The following RABGAP1 variants were observed in gnomAD, a reference collection of about 807,000 sequenced individuals.
The protein encoded by RABGAP1 is RAB GTPase activating protein 1.
Under a neutral mutation model 137.6 loss-of-function variants are expected in RABGAP1, and 23 were observed. The observed-to-expected ratio is 0.17, with a 90% CI of 0.12 to 0.24. The LOEUF (loss-of-function observed/expected upper bound fraction) is 0.24. Ranked by LOEUF, RABGAP1 falls within the 10% of genes least tolerant of loss-of-function variation. The pLI, the probability that RABGAP1 is intolerant of heterozygous loss-of-function variation, is 1.00. For missense variants in RABGAP1, 906 were observed against 1,275.8 expected (o/e 0.71, Z 4.42); for synonymous variants, 451 against 450.7 (o/e 1.00, Z -0.01).
At chr9:122,942,695 A>AAAAAAAACAC (rs1833668325) in intron 1 of RABGAP1, among the ~76,000 whole-genome samples, 1 of 149,440 alleles carries the variant, frequency 6.7e-6, no homozygotes, top group African/African-American at 2.5e-5. Context: ...AAAACACAAA[A>AAAAAAAACAC]AAACAAAATA....
chr9:123,049,245 A>G (rs959974864), intron 13 of RABGAP1, among the ~76,000 whole-genome samples: 25 of 152,286 alleles, frequency 1.6e-4, no homozygotes, highest in African/African-American at 5.3e-4. Flanking sequence ...AGTCTGGTGT[A>G]GTAAAGGTTC....
intron 13 of RABGAP1, among the ~76,000 whole-genome samples, chr9:123,027,808 A>G (rs1204477678): frequency 6.6e-6 from 1 of 152,214 alleles, no homozygotes; most frequent in Non-Finnish European, 1.5e-5. Context: ...AAAATAGGCC[A>G]TAATTCCATT....
intron 13 of RABGAP1, among the ~76,000 whole-genome samples, chr9:123,026,445 A>G (rs1049631989): frequency 7.9e-5 from 12 of 152,114 alleles, no homozygotes; most frequent in Admixed American, 2.6e-4. Context: ...TAATTTGTTA[A>G]TGGAATAAGT....
intron 13 of RABGAP1, among the ~76,000 whole-genome samples, chr9:123,055,498 C>A (rs145794602): frequency 6.6e-6 from 1 of 150,838 alleles, no homozygotes; most frequent in African/African-American, 2.4e-5. Flanking sequence ...TCCTAAAGTG[C>A]TGGAATTACA....
chr9:123,016,194 T>C (rs777786003), intron 12 of RABGAP1, among the ~76,000 whole-genome samples: 1 of 152,216 alleles, frequency 6.6e-6, no homozygotes, highest in Non-Finnish European at 1.5e-5. Context: ...CACTATCCTA[T>C]AGGCTATCTA....
chr9:122,991,151 G>A (rs1396211296), intron 6 of RABGAP1, among the ~76,000 whole-genome samples: 1 of 151,780 alleles, frequency 6.6e-6, no homozygotes, highest in East Asian at 1.9e-4. Flanking sequence ...TATTAACAGT[G>A]TCCCCATTTC....
chr9:122,986,998 A>G (rs772818999), intron 4 of RABGAP1, among the ~76,000 whole-genome samples: 5 of 152,188 alleles, frequency 3.3e-5, no homozygotes, highest in Admixed American at 1.3e-4. Flanking sequence ...TTAGCCACGC[A>G]TGGTCATACA....
At chr9:122,961,856 G>A (rs1276649539) in intron 2 of RABGAP1, among the ~76,000 whole-genome samples, 1 of 152,134 alleles carries the variant, frequency 6.6e-6, no homozygotes, top group South Asian at 2.1e-4. Flanking sequence ...GGAAAAAGGA[G>A]ATAAGATAGG....
At chr9:123,075,547 T>C (rs2132156405) in intron 17 of RABGAP1, among the ~76,000 whole-genome samples, 1 of 152,318 alleles carries the variant, frequency 6.6e-6, no homozygotes, top group South Asian at 2.1e-4. Flanking sequence ...AGTATCCCAT[T>C]ATTTGGATGT....
At chr9:123,096,445 C>G (rs562723214) in intron 21 of RABGAP1, among the ~76,000 whole-genome samples, 7 of 152,304 alleles carry the variant, frequency 4.6e-5, no homozygotes, top group Middle Eastern at 3.4e-3. Context: ...AAGGGTATTA[C>G]CAAGGACAAA....
At chr9:122,985,548 G>A (rs576376598) in intron 3 of RABGAP1, among the ~76,000 whole-genome samples, 3 of 151,070 alleles carry the variant, frequency 2.0e-5, no homozygotes, top group African/African-American at 4.9e-5. Context: ...AGGAGGTGGA[G>A]GTTGCAGTGA....
chr9:122,949,078 T>A (rs780989083), intron 1 of RABGAP1, among the ~76,000 whole-genome samples: 4 of 151,894 alleles, frequency 2.6e-5, no homozygotes, highest in Admixed American at 1.3e-4. Context: ...TATAGCGGAG[T>A]AGAAAAGAAG....
At chr9:122,935,852 C>T (rs1833379754), upstream of RABGAP1, among the ~76,000 whole-genome samples, 1 of 152,148 alleles carries the variant, frequency 6.6e-6, no homozygotes, top group South Asian at 2.1e-4. Context: ...GGCAGGAATG[C>T]TGGTGGTAAC....
chr9:122,956,466 C>T (rs948849068), intron 1 of RABGAP1, among the ~76,000 whole-genome samples: 13 of 152,014 alleles, frequency 8.6e-5, no homozygotes, highest in African/African-American at 2.2e-4. Context: ...CTGGCTAACA[C>T]GGTGAAACCC....
intron 21 of RABGAP1, among the ~76,000 whole-genome samples, chr9:123,092,683 G>A (rs1564190231): frequency 6.6e-6 from 1 of 152,120 alleles, no homozygotes; most frequent in East Asian, 1.9e-4. Context: ...AACATTTCTT[G>A]AGCACTTACC....
intron 13 of RABGAP1, among the ~76,000 whole-genome samples, chr9:123,027,788 C>G (rs958479463): frequency 2.0e-5 from 3 of 152,172 alleles, no homozygotes; most frequent in Non-Finnish European, 2.9e-5. Flanking sequence ...GTGTTTGAGT[C>G]CTGCCCTCCA....
At chr9:123,035,472 A>G in intron 13 of RABGAP1, 1 of 1,614,016 alleles carries the variant, frequency 6.2e-7, no homozygotes, top group Non-Finnish European at 8.5e-7. Flanking sequence ...GCAACTGTGT[A>G]ATTTATAGTC....
intron 1 of RABGAP1, 135 bp downstream of exon 1, chr9:122,941,228 T>G (rs1833538345): frequency 6.6e-6 from 1 of 151,734 alleles, no homozygotes; most frequent in South Asian, 2.1e-4. Flanking sequence ...TGCTCTCAGC[T>G]CCCTCGACGG....
chr9:123,035,321 T>G (rs920720455), intron 13 of RABGAP1: 1 of 1,614,216 alleles, frequency 6.2e-7, no homozygotes, highest in Non-Finnish European at 8.5e-7. Context: ...CGCTATGCCA[T>G]GGTCCTGTTT....
Sources: allele counts gnomAD v4.1 joint callset (sites outside exome capture counted in the v4.1 genomes callset), GRCh38; gene constraint gnomAD v4.1.1; transcripts MANE v1.5; gene names NCBI Gene and HGNC (gene_info 2026-07-23, HGNC 2026-07-21).